Variants in SALL4 observed in about 807,000 individuals in gnomAD.
The protein encoded by SALL4 is sal-like protein 4.
In SALL4, 4 loss-of-function variants were observed where a neutral mutation model predicts 60.8. The observed-to-expected ratio is 0.07, with a 90% confidence interval of 0.03 to 0.15. SALL4 has a LOEUF of 0.15. Among genes scored for constraint, SALL4 ranks in the 10% least tolerant of loss-of-function variants. SALL4 has a pLI of 1.00. For missense variants in SALL4, 1,178 were observed against 1,394.7 expected (o/e 0.84, Z 2.48); for synonymous variants, 580 against 574.9 (o/e 1.01, Z -0.13).
At position 51,791,959 on chromosome 20, in the gene SALL4, T is replaced by C; in HGVS notation, c.524A>G (p.Lys175Arg). 2 of 1,614,256 alleles carry C rather than the reference T, an allele frequency of 1.2e-6. No homozygotes were observed. Among genetic ancestry groups the C allele is most frequent in the Middle Eastern group, 1.6e-4 (1 of 6,062 alleles). ...PQDISYLAKG[K>R]VANTNVTLQA... ...CAAGGTCACATTAGTGTTGGCCACT[T>C]TGCCTTTGGCTAAATAGCTTATGTC... is the stretch of plus-strand genomic sequence containing the variant. Residue 175 changes from lysine (K) to arginine (R), a missense_variant, in exon 2 of 4, where the codon AAA becomes AGA. By Grantham distance (26) the Lys-to-Arg change is conservative. This residue lies in a region of SALL4 where 853 missense variants were observed against 1,036.8 expected (regional missense o/e 0.82). Coordinates refer to ENST00000217086, the MANE Select transcript of SALL4 (RefSeq NM_020436.5). This position sits in a 1 kb window ranked among gnomAD's most constrained non-coding sequence, Gnocchi z 4.6.
At chr20:51,797,302 T>G (rs2078084603) in intron 1 of SALL4, 1 of 152,084 alleles carries the variant, frequency 6.6e-6, no homozygotes, top group Non-Finnish European at 1.5e-5. Flanking sequence ...CAATGCAATT[T>G]ATTTCCTTGG....
intron 2 of SALL4, among the ~76,000 whole-genome samples, chr20:51,789,617 C>T (rs536031495): frequency 2.1e-4 from 32 of 152,210 alleles, no homozygotes; most frequent in African/African-American, 6.3e-4. Context: ...CAGGGAACCA[C>T]GGCTTATTTC....
Position 51,784,595 on chromosome 20 carries a change from C to T in SALL4, c.2832G>A (p.Thr944=), listed in dbSNP as rs138337762. 1.3e-5 allele frequency: 21 copies of T among 1,614,154 alleles called. No individual in the cohort carries two copies. The highest frequency in any genetic ancestry group is 5.3e-5 in the African/African-American group (4 of 75,038). Reference sequence around the variant, plus strand: ...AGATTTCTGAGACTCTTTTTCCGTCCGTACCTAACAGAGCCATGGTGTTCT... The same window carrying T: ...AGATTTCTGAGACTCTTTTTCCGTCTGTACCTAACAGAGCCATGGTGTTCT... ...AIENTMALLG[T]DGKRVSEIFP... is the part of the protein sequence containing the mutation. The change falls in exon 4 of 4, where the codon ACG becomes ACA. Residue 944 remains threonine (T), a synonymous_variant. Coordinates refer to ENST00000217086, the MANE Select transcript of SALL4 (RefSeq NM_020436.5).
chr20:51,786,222 G>GACT (rs1045882837), intron 3 of SALL4, among the ~76,000 whole-genome samples: 2 of 149,684 alleles, frequency 1.3e-5, no homozygotes, highest in African/African-American at 4.9e-5. Flanking sequence ...GAGTAGCTGG[G>GACT]ACTACAGGCG....
rs529358559 is a variant in SALL4 at position 51,792,042 on chromosome 20, C to T, written c.441G>A (p.Pro147=). 9 of 1,614,186 alleles carry T rather than the reference C, an allele frequency of 5.6e-6. No individual in the cohort carries two copies. Among genetic ancestry groups the T allele is most frequent in the South Asian group, 1.1e-5 (1 of 91,074 alleles). ...GGSSEDMKEK[P]DAESVVYLKT... is the part of the protein sequence containing the mutation. ...TTAGGTACACCACAGACTCCGCATCCGGCTTCTCCTTCATGTCCTCTGAGC... is the reference window on the plus strand; with the variant it reads ...TTAGGTACACCACAGACTCCGCATCTGGCTTCTCCTTCATGTCCTCTGAGC... Residue 147 remains proline, a synonymous_variant, in exon 2 of 4, where the codon CCG becomes CCA. Coordinates refer to ENST00000217086, the MANE Select transcript of SALL4 (RefSeq NM_020436.5).
rs577900421 is a variant in SALL4 at position 51,791,887 on chromosome 20, T to G, written c.596A>C (p.Asp199Ala). The change falls in exon 2 of 4, where the codon GAT becomes GCT. Residue 199 changes from aspartate (D) to alanine (A), a missense_variant. Transcript: ENST00000217086. The surrounding 1 kb of genome is among the most constrained non-coding windows in gnomAD (Gnocchi z 4.6). ...ACCAGGCACGGGGGCAGGGAGTGCA[T>G]CCGCGCTCCGCTGATTCACCGCCAC... ...TKVAVNQRSA[D>A]ALPAPVPGAN... The G allele has an allele frequency of 6.2e-7, 1 of 1,614,168 alleles. No individual in the cohort carries two copies. Among genetic ancestry groups the G allele is most frequent in the African/African-American group, 1.3e-5 (1 of 75,058 alleles).
At chr20:51,798,072 T>C (rs2078089130) in intron 1 of SALL4, among the ~76,000 whole-genome samples, 1 of 152,152 alleles carries the variant, frequency 6.6e-6, no homozygotes, top group African/African-American at 2.4e-5. Context: ...TTATGTGCCT[T>C]CTTAAGTATT....
intron 1 of SALL4, among the ~76,000 whole-genome samples, chr20:51,799,232 A>G (rs2078096352): frequency 6.6e-6 from 1 of 152,162 alleles, no homozygotes; most frequent in Admixed American, 6.5e-5. Context: ...AATTATCTAA[A>G]CAGGGCATTT....
chr20:51,802,504 G>T lies in SALL4; in HGVS notation c.-96C>A. 1 of 1,561,900 alleles carries T rather than the reference G, an allele frequency of 6.4e-7. No homozygotes were observed. Among genetic ancestry groups the T allele is most frequent in the Non-Finnish European group, 8.7e-7 (1 of 1,146,202 alleles). ...AAATTTACCCCCCTTCGGCCGGAAC[G>T]CGCATGTCCCAGTAATTATTATTAT... On this transcript the variant is annotated 5_prime_UTR_variant, in exon 1 of 4. Coordinates refer to ENST00000217086, the MANE Select transcript of SALL4 (RefSeq NM_020436.5).
chr20:51,801,472 G>A lies in SALL4; in HGVS notation c.130+807C>T, dbSNP rs113510679. 3,260 of 152,392 alleles carry A rather than the reference G, an allele frequency of 0.021. 47 individuals are homozygous for A. The highest frequency in any genetic ancestry group is 0.032 in the Non-Finnish European group (2,208 of 68,076). The allele number at this position is 152,392 out of a possible 1,614,324, so 9.4% of individuals were successfully genotyped here. ...GGGGCTGCCGCGCGCCCGCCACCCC[G>A]GCCACTGGGGGCTCGCACCCTCGGG... On this transcript the variant is annotated intron_variant, in intron 1 of 3. Transcript: ENST00000217086. The surrounding 1 kb of genome is among the most constrained non-coding windows in gnomAD (Gnocchi z 5.2).
At chr20:51,795,101 C>G (rs779966712) in intron 1 of SALL4, among the ~76,000 whole-genome samples, 6 of 152,194 alleles carry the variant, frequency 3.9e-5, no homozygotes, top group Non-Finnish European at 8.8e-5. Flanking sequence ...CCAGCACAAA[C>G]TCTCCTTTCT....
intron 3 of SALL4, 151 bp from the exon 4 acceptor site, chr20:51,784,835 C>G: frequency 1.1e-6 from 1 of 871,704 alleles, no homozygotes; most frequent in South Asian, 1.5e-5. Flanking sequence ...CCCAGATAAA[C>G]TGATTGAAAG....
In SALL4 at chr20:51,801,922, G is replaced by A. The variant is rs560786072; in HGVS notation, c.130+357C>T. Among the ~76,000 whole-genome samples the A allele has an allele frequency of 1.2e-4, 11 of 94,854 alleles. No homozygotes were observed. The East Asian group carries it at 4.4e-3, about 38-fold the overall frequency. 62.2% of individuals were successfully genotyped at this position (94,854 alleles called of 152,430 possible). A position where few individuals can be genotyped will look rare whatever the true frequency, so the allele number is the denominator to read the frequency against. On this transcript the variant is annotated intron_variant, in intron 1 of 3. Coordinates refer to ENST00000217086, the MANE Select transcript of SALL4 (RefSeq NM_020436.5). This position sits in a 1 kb window ranked among gnomAD's most constrained non-coding sequence, Gnocchi z 5.2. Reference sequence around the variant, plus strand: ...AGGGAGGGGGACCTAAGTTACAAGGGGGGGGGGTAACACCAGTGAGGGGAG... The same window carrying A: ...AGGGAGGGGGACCTAAGTTACAAGGAGGGGGGGTAACACCAGTGAGGGGAG...
At position 51,791,729 on chromosome 20, in the gene SALL4, C is replaced by T. The variant is rs2078044422; in HGVS notation, c.754G>A (p.Ala252Thr). The T allele has an allele frequency of 1.9e-6, 3 of 1,614,170 alleles. No homozygotes were observed. The East Asian group carries it at 6.7e-5, about 36-fold the overall frequency. Residue 252 changes from alanine (A) to threonine (T), a missense_variant, in exon 2 of 4, where the codon GCA becomes ACA. Ala to Thr is a moderately conservative substitution (Grantham distance 58, BLOSUM62 0). This residue lies in a region of SALL4 where 853 missense variants were observed against 1,036.8 expected (regional missense o/e 0.82). Transcript: ENST00000217086. This position sits in a 1 kb window ranked among gnomAD's most constrained non-coding sequence, Gnocchi z 4.6. ...AAGGTCTTCAGAGTGTCGGCCCCTG[C>T]CCCGCTTGAGTGGAGGGCGTGGGAG... ...WASHALHSSG[A>T]GADTLKTLGS... is the part of the protein sequence containing the mutation.
chr20:51,799,904 C>T (rs887964626), intron 1 of SALL4, among the ~76,000 whole-genome samples: 4 of 152,118 alleles, frequency 2.6e-5, no homozygotes, highest in Non-Finnish European at 5.9e-5. Flanking sequence ...CAAAATAAGA[C>T]CAGCTCAATC....
At position 51,784,568 on chromosome 20, in the gene SALL4, A is replaced by T. The variant is rs779092517; in HGVS notation, c.2859T>A (p.Phe953Leu). 8.1e-6 allele frequency: 13 copies of T among 1,614,166 alleles called. No individual in the cohort carries two copies. The South Asian group carries it at 1.4e-4, about 18-fold the overall frequency. ...CTGAAGGGGCCAGGATTTCCTTGGG[A>T]AAGATTTCTGAGACTCTTTTTCCGT... ...GTDGKRVSEI[F>L]PKEILAPSVN... The change falls in exon 4 of 4, where the codon TTT becomes TTA. Residue 953 changes from phenylalanine (F) to leucine (L), a missense_variant. This residue lies in a region of SALL4 where 174 missense variants were observed against 169.6 expected (regional missense o/e 1.03). Transcript: ENST00000217086.
chr20:51,784,271 G>C lies in SALL4; in HGVS notation c.3156C>G (p.Val1052=). The change falls in exon 4 of 4, where the codon GTC becomes GTG. Residue 1052 remains valine (V), a synonymous_variant. Coordinates refer to ENST00000217086, the MANE Select transcript of SALL4 (RefSeq NM_020436.5). ...PHFLEENKIA[V]S ...CTTCCACGCAAGTTCTCCCTTAGCT[G>C]ACCGCAATCTTGTTTTCTTCCAGGA... 1 of 1,613,760 alleles carries C rather than the reference G, an allele frequency of 6.2e-7. No homozygotes were observed. The highest frequency in any genetic ancestry group is 8.5e-7 in the Non-Finnish European group (1 of 1,180,030).
chr20:51,792,756 T>C (rs1229296263), intron 1 of SALL4: 73 of 1,110,214 alleles, frequency 6.6e-5, no homozygotes, highest in Non-Finnish European at 7.4e-5. Context: ...GGGGCTTACT[T>C]ACTTTAGGGT....
Position 51,802,282 on chromosome 20 carries a change from G to A in SALL4, c.127C>T (p.Leu43=). 6.2e-7 allele frequency: 1 copy of A among 1,602,814 alleles called. No homozygotes were observed. Among genetic ancestry groups the A allele is most frequent in the Non-Finnish European group, 8.5e-7 (1 of 1,175,870 alleles). ...AAPAAPAAGE[L]GAPVNHPGND... The stretch of plus-strand genomic sequence containing the variant: ...CGGGCGCCCCAGCCCCACTCACCCA[G>A]CTCCCCCGCCGCGGGCGCCGCTGGG... Residue 43 remains leucine (L), a synonymous_variant, in exon 1 of 4, where the codon CTG becomes TTG. Coordinates refer to ENST00000217086, the MANE Select transcript of SALL4 (RefSeq NM_020436.5).
Sources: allele counts gnomAD v4.1 joint callset (sites outside exome capture counted in the v4.1 genomes callset), GRCh38; gene constraint gnomAD v4.1.1; regional missense constraint gnomAD v4.1.1; non-coding constraint Gnocchi (gnomAD v3.1); transcripts MANE v1.5; gene names NCBI Gene and HGNC (gene_info 2026-07-23, HGNC 2026-07-21).